The following SRR variants were observed in gnomAD, a reference collection of about 807,000 sequenced individuals.
SRR encodes D-serine ammonia-lyase.
In SRR, 19 loss-of-function variants were observed where a neutral mutation model predicts 32.7. The observed-to-expected ratio is 0.58, with a 90% CI of 0.40 to 0.85. The LOEUF (loss-of-function observed/expected upper bound fraction) is 0.85. Among genes scored for constraint, SRR ranks in the 40% least tolerant of loss-of-function variants. SRR has a pLI of 0.00. For missense variants in SRR, 373 were observed against 404.7 expected (o/e 0.92, Z 0.67); for synonymous variants, 142 against 140.9 (o/e 1.01, Z -0.06).
chr17:2,323,975 G>A lies in SRR; in HGVS notation c.*102G>A. On this transcript the variant is annotated 3_prime_UTR_variant, in exon 8 of 8. Transcript: ENST00000344595. ...TTAGTTATCAGATTCTTAATGGAGAGTGGCTATTTCATTAAGATTTAATAG... is the reference window on the plus strand; with the variant it reads ...TTAGTTATCAGATTCTTAATGGAGAATGGCTATTTCATTAAGATTTAATAG... 5 of 1,190,844 alleles carry A rather than the reference G, an allele frequency of 4.2e-6. No individual in the cohort carries two copies. The East Asian group carries it at 7.3e-5, about 17-fold the overall frequency. 73.8% of individuals were successfully genotyped at this position (1,190,844 alleles called of 1,614,324 possible).
chr17:2,318,982 C>A, intron 4 of SRR, 53 bp downstream of exon 4: 1 of 1,235,948 alleles, frequency 8.1e-7, no homozygotes, highest in Non-Finnish European at 1.2e-6. Context: ...TGACCAATGG[C>A]TCTTTCTACC....
chr17:2,303,975 C>A lies in SRR; in HGVS notation c.-47C>A, dbSNP rs1013539056. 8.4e-6 allele frequency: 3 copies of A among 355,998 alleles called. No individual in the cohort carries two copies. Among genetic ancestry groups the A allele is most frequent in the African/African-American group, 4.3e-5 (2 of 46,284 alleles). 22.1% of individuals were successfully genotyped at this position (355,998 alleles called of 1,614,324 possible). A position where few individuals can be genotyped will look rare whatever the true frequency, so the allele number is the denominator to read the frequency against. ...GTGCGCAGAGGTGCGGCCGGGGAGG[C>A]GCGCGGAGGCTGGAGCTGGAGGCGC... On this transcript the variant is annotated 5_prime_UTR_variant, in exon 1 of 8. Coordinates refer to ENST00000344595, the MANE Select transcript of SRR (RefSeq NM_021947.3).
chr17:2,318,763 C>G (rs1567778110), intron 3 of SRR, 63 bp from the exon 4 acceptor site: 13 of 1,245,408 alleles, frequency 1.0e-5, no homozygotes, highest in Non-Finnish European at 1.5e-5. Flanking sequence ...ACCCACCGTG[C>G]CTGGCCACAT....
At chr17:2,323,540 C>A in intron 7 of SRR, 115 bp from the exon 8 acceptor site, 3 of 1,221,586 alleles carry the variant, frequency 2.5e-6, no homozygotes, top group East Asian at 2.4e-5. Flanking sequence ...CTTTGGGAAG[C>A]GTGTGTACAC....
Position 2,325,035 on chromosome 17 carries a change from T to C in SRR, c.*1162T>C, listed in dbSNP as rs910018516. Reference sequence around the variant, plus strand: ...CTTGTACTTCAAGAGAAATGATGTATAACAAAACCATACTTTTTCTCATCA... The same window carrying C: ...CTTGTACTTCAAGAGAAATGATGTACAACAAAACCATACTTTTTCTCATCA... On this transcript the variant is annotated 3_prime_UTR_variant, in exon 8 of 8. Coordinates refer to ENST00000344595, the MANE Select transcript of SRR (RefSeq NM_021947.3). The C allele has an allele frequency of 1.3e-4, 81 of 620,552 alleles. No homozygotes were observed. The East Asian group carries it at 1.7e-3, about 13-fold the overall frequency. The allele number at this position is 620,552 out of a possible 1,614,324, so 38.4% of individuals were successfully genotyped here. A position where few individuals can be genotyped will look rare whatever the true frequency, so the allele number is the denominator to read the frequency against.
chr17:2,323,014 C>G, intron 6 of SRR, 122 bp from the exon 7 acceptor site: 1 of 996,376 alleles, frequency 1.0e-6, no homozygotes, highest in South Asian at 1.5e-5. Context: ...ATCCACCCGC[C>G]TCGGGCTCCC....
chr17:2,305,508 C>T (rs561000754), intron 1 of SRR, among the ~76,000 whole-genome samples: 22 of 152,032 alleles, frequency 1.4e-4, no homozygotes, highest in Non-Finnish European at 2.6e-4. Flanking sequence ...TAATTAAATA[C>T]GAGTTCCAGA....
At chr17:2,310,329 C>T (rs1221609070) in intron 1 of SRR, among the ~76,000 whole-genome samples, 3 of 152,018 alleles carry the variant, frequency 2.0e-5, no homozygotes, top group Non-Finnish European at 4.4e-5. Context: ...GAGGAAGCAC[C>T]ATACTGTTTA....
chr17:2,311,355 G>T (rs1282021239), intron 1 of SRR, among the ~76,000 whole-genome samples: 1 of 151,952 alleles, frequency 6.6e-6, no homozygotes, highest in Non-Finnish European at 1.5e-5. Flanking sequence ...GAGTTTTCGG[G>T]CCCGTCATGG....
chr17:2,307,395 G>T (rs575602557), intron 1 of SRR: 2 of 1,161,848 alleles, frequency 1.7e-6, no homozygotes, highest in Non-Finnish European at 2.6e-6. Context: ...GTTTCGGTAG[G>T]AATGACAACT....
chr17:2,303,927 G>A (rs944625541), upstream of SRR: 6 of 443,682 alleles, frequency 1.4e-5, no homozygotes, highest in African/African-American at 8.4e-5. Context: ...CGAGAGCCTG[G>A]GTGGGGCGGG....
In SRR at chr17:2,324,631, A is replaced by G. The variant is rs186558610; in HGVS notation, c.*758A>G. ...GATGAAACATTTACCCACAAAATGT[A>G]AACCCAACCTTTATACCACAAAGGC... On this transcript the variant is annotated 3_prime_UTR_variant, in exon 8 of 8. Coordinates refer to ENST00000344595, the MANE Select transcript of SRR (RefSeq NM_021947.3). 36 of 1,614,062 alleles carry G rather than the reference A, an allele frequency of 2.2e-5. No homozygotes were observed. The East Asian group carries it at 7.1e-4, about 32-fold the overall frequency.
In SRR at chr17:2,321,624, G is replaced by C. The variant is rs772743757; in HGVS notation, c.594+8G>C. 1.4e-5 allele frequency: 23 copies of C among 1,613,356 alleles called. No individual in the cohort carries two copies. The highest frequency in any genetic ancestry group is 1.9e-5 in the Non-Finnish European group (22 of 1,179,654). On this transcript the variant is annotated splice_region_variant and intron_variant, in intron 6 of 7. Coordinates refer to ENST00000344595, the MANE Select transcript of SRR (RefSeq NM_021947.3). The stretch of plus-strand genomic sequence containing the variant: ...ATAGCAATTACAGTTAAGGTGAGCA[G>C]CTTCTGGAGGATTCCCTGCTTCAAG...
intron 1 of SRR, chr17:2,307,786 A>G: frequency 1.3e-6 from 1 of 768,300 alleles, no homozygotes; most frequent in Non-Finnish European, 2.3e-6. Flanking sequence ...GTTACAACAG[A>G]TTTGTGAACT....
chr17:2,319,591 T>C (rs1315301185), intron 4 of SRR, among the ~76,000 whole-genome samples: 1 of 152,102 alleles, frequency 6.6e-6, no homozygotes, highest in Non-Finnish European at 1.5e-5. Context: ...AGGAATCCTC[T>C]CTGATAACCC....
chr17:2,303,589 C>CGGGG, upstream of SRR: 1 of 1,372,780 alleles, frequency 7.3e-7, no homozygotes. Context: ...GAGAGGGAGG[C>CGGGG]GGGGCGGGCA....
intron 2 of SRR, among the ~76,000 whole-genome samples, chr17:2,317,632 G>A (rs2075487382): frequency 6.6e-6 from 1 of 152,028 alleles, no homozygotes; most frequent in African/African-American, 2.4e-5. Flanking sequence ...GACGCAGTGT[G>A]GGGAGGCGGA....
Position 2,324,219 on chromosome 17 carries a change from CTGT to C in SRR, c.*349_*351del, listed in dbSNP as rs755563832. The C allele has an allele frequency of 2.0e-6, 3 of 1,525,580 alleles. No homozygotes were observed. The African/African-American group carries it at 4.2e-5, about 21-fold the overall frequency. 94.5% of individuals were successfully genotyped at this position (1,525,580 alleles called of 1,614,324 possible). A position where few individuals can be genotyped will look rare whatever the true frequency, so the allele number is the denominator to read the frequency against. On this transcript the variant is annotated 3_prime_UTR_variant, in exon 8 of 8. Coordinates refer to ENST00000344595, the MANE Select transcript of SRR (RefSeq NM_021947.3). ...CATTACTCCATGCCCCCTTGAGGCA[CTGT>C]TGAAGAAATCTCACTTTTCAGCCAG... is the stretch of plus-strand genomic sequence containing the variant.
At chr17:2,315,046 A>C (rs984036293) in intron 1 of SRR, among the ~76,000 whole-genome samples, 1 of 151,836 alleles carries the variant, frequency 6.6e-6, no homozygotes, top group African/African-American at 2.4e-5. Flanking sequence ...GTTCAAGACC[A>C]GCCTGGACAA....
Sources: allele counts gnomAD v4.1 joint callset (sites outside exome capture counted in the v4.1 genomes callset), GRCh38; gene constraint gnomAD v4.1.1; transcripts MANE v1.5; gene names NCBI Gene and HGNC (gene_info 2026-07-23, HGNC 2026-07-21).